Variants in MIR17HG observed in about 807,000 individuals in gnomAD.
The protein encoded by MIR17HG is MIR17 host gene (non-protein coding).
At chr13:91,351,516 G>A (rs1035144931) in intron 3 of MIR17HG, 1 of 370,508 alleles carries the variant, frequency 2.7e-6, no homozygotes, top group Non-Finnish European at 5.8e-6. Flanking sequence ...AATACATCTT[G>A]TCTTGTTTTC....
At chr13:91,353,568 T>G (rs1055687043) in intron 3 of MIR17HG, among the ~76,000 whole-genome samples, 1 of 152,214 alleles carries the variant, frequency 6.6e-6, no homozygotes, top group Non-Finnish European at 1.5e-5. Context: ...ATGTAAGTAT[T>G]GTATAAAAAG....
At chr13:91,348,967 C>G (rs964347750) in intron 1 of MIR17HG, among the ~76,000 whole-genome samples, 8 of 150,064 alleles carry the variant, frequency 5.3e-5, no homozygotes, top group Admixed American at 5.3e-4. Context: ...CGCCCGCGTC[C>G]CCGCCGCACT....
At chr13:91,351,136 T>C in intron 3 of MIR17HG, 1 of 523,972 alleles carries the variant, frequency 1.9e-6, no homozygotes, top group Non-Finnish European at 4.0e-6. Flanking sequence ...AAAGTACTGC[T>C]AGCTGTAGAA....
At chr13:91,350,726 G>C in intron 3 of MIR17HG, 1 of 534,060 alleles carries the variant, frequency 1.9e-6, no homozygotes, top group Non-Finnish European at 3.9e-6. Context: ...TTAAAGTGCA[G>C]GGCCTGCTGA....
chr13:91,349,064 C>T (rs2138689000), intron 1 of MIR17HG, among the ~76,000 whole-genome samples: 1 of 151,928 alleles, frequency 6.6e-6, no homozygotes, highest in South Asian at 2.1e-4. Context: ...CTGACTCTGA[C>T]CCGCCGCCCC....
chr13:91,350,058 G>A (rs1875217109), intron 2 of MIR17HG: 3 of 154,468 alleles, frequency 1.9e-5, no homozygotes, highest in Admixed American at 1.9e-4. Flanking sequence ...TATAACCTGA[G>A]ATGATAGATT....
At chr13:91,348,397 C>G (rs1217059796) in intron 1 of MIR17HG, among the ~76,000 whole-genome samples, 1 of 150,528 alleles carries the variant, frequency 6.6e-6, no homozygotes, top group Non-Finnish European at 1.5e-5. Context: ...AGAGTTAAAG[C>G]GCCTCCAGAA....
At chr13:91,348,630 C>T (rs1488433061) in intron 1 of MIR17HG, among the ~76,000 whole-genome samples, 1 of 150,868 alleles carries the variant, frequency 6.6e-6, no homozygotes, top group Admixed American at 6.6e-5. Flanking sequence ...AGCCTCGGGG[C>T]GGGGCCCGCA....
chr13:91,353,784 T>A (rs1341140273), intron 3 of MIR17HG: 4 of 151,914 alleles, frequency 2.6e-5, no homozygotes, highest in Non-Finnish European at 5.9e-5. Flanking sequence ...GGTCAACTTT[T>A]TTTTTTTTTT....
chr13:91,350,101 C>G (rs1875219724), intron 2 of MIR17HG: 1 of 158,482 alleles, frequency 6.3e-6, no homozygotes, highest in South Asian at 1.8e-4. Context: ...CTACAATTGA[C>G]TGATAACACT....
chr13:91,348,831 TGC>T (rs1212432545), intron 1 of MIR17HG, among the ~76,000 whole-genome samples: 1 of 149,102 alleles, frequency 6.7e-6, no homozygotes, highest in East Asian at 2.0e-4. Context: ...TGGCGGCGAC[TGC>T]GCGCCGCCGC....
chr13:91,352,660 A>G (rs1265378831), intron 3 of MIR17HG, among the ~76,000 whole-genome samples: 1 of 152,222 alleles, frequency 6.6e-6, no homozygotes, highest in Non-Finnish European at 1.5e-5. Flanking sequence ...GGAGTTGATG[A>G]AAACATAAAT....
intron 3 of MIR17HG, chr13:91,351,189 G>A (rs369660739): frequency 1.1e-5 from 6 of 527,024 alleles, no homozygotes; most frequent in Non-Finnish European, 2.4e-5. Context: ...TCCTGTTACT[G>A]AACACTGTTC....
At chr13:91,351,179 T>G (rs1266989574) in intron 3 of MIR17HG, 1 of 526,868 alleles carries the variant, frequency 1.9e-6, no homozygotes, top group Middle Eastern at 3.2e-4. Context: ...AATCAAACTG[T>G]CCTGTTACTG....
In MIR17HG at chr13:91,353,585, A is replaced by G. The variant is rs140409601; in HGVS notation, n.285-348A>G. On this transcript the variant is annotated intron_variant and non_coding_transcript_variant, in intron 3 of 3. Transcript: ENST00000400282. ...GTAAGTATTGTATAAAAAGATTCACATTGTTAATTTAGCCATTTTGAAATT... is the reference window on the plus strand; with the variant it reads ...GTAAGTATTGTATAAAAAGATTCACGTTGTTAATTTAGCCATTTTGAAATT... Among the ~76,000 whole-genome samples the G allele has an allele frequency of 1.2e-4, 18 of 152,334 alleles. No individual in the cohort carries two copies. In the East Asian group the frequency reaches 2.5e-3, roughly 21 times the overall value.
chr13:91,350,682 T>TGGTGACAGCTGCCTCGGGAA (rs1279547337), intron 3 of MIR17HG: 5 of 534,298 alleles, frequency 9.4e-6, no homozygotes, highest in Admixed American at 1.9e-5. Flanking sequence ...TGTAGCATTA[T>TGGTGACAGCTGCCTCGGGAA]GGTGACAGCT....
At chr13:91,349,000 C>T (rs1400449282) in intron 1 of MIR17HG, among the ~76,000 whole-genome samples, 1 of 149,062 alleles carries the variant, frequency 6.7e-6, no homozygotes, top group African/African-American at 2.4e-5. Context: ...CCGCCGGTCG[C>T]CGCGCGGCTG....
chr13:91,351,639 C>T, intron 3 of MIR17HG: 1 of 299,604 alleles, frequency 3.3e-6, no homozygotes, highest in East Asian at 7.6e-5. Flanking sequence ...TATGACTAAA[C>T]ATACTGTATA....
Position 91,351,592 on chromosome 13 carries a change from TTTG to T in MIR17HG, n.284+1372_284+1374del, listed in dbSNP as rs1020630534. 105 of 319,684 alleles carry T rather than the reference TTTG, an allele frequency of 3.3e-4. 1 individual carries two copies. The highest frequency in any genetic ancestry group is 3.4e-4 in the South Asian group (13 of 38,346). 19.8% of individuals were successfully genotyped at this position (319,684 alleles called of 1,614,324 possible). A position where few individuals can be genotyped will look rare whatever the true frequency, so the allele number is the denominator to read the frequency against. ...GGCAGTATAAATTCTGGCTATATTT[TTTG>T]TTGTTAGATTTATTTGGCTGTTAAG... On this transcript the variant is annotated intron_variant and non_coding_transcript_variant, in intron 3 of 3. Transcript: ENST00000400282.
Sources: gnomAD v4.1 joint callset for allele counts (sites outside exome capture counted in the v4.1 genomes callset) on GRCh38, gnomAD v4.1.1 for gene constraint, MANE v1.5 for transcripts, NCBI Gene and HGNC (gene_info 2026-07-23, HGNC 2026-07-21) for gene names.